Variants in SYT13 observed in about 807,000 individuals in gnomAD.
SYT13 encodes the protein synaptotagmin 13.
SYT13 carries 21 observed loss-of-function variants against 38.6 expected under a neutral mutation model. That is an observed-to-expected ratio of 0.54 (90% CI 0.39 to 0.78). The LOEUF is 0.78. Among genes scored for constraint, SYT13 ranks in the 30% least tolerant of loss-of-function variants. The pLI, the probability that SYT13 is intolerant of heterozygous loss-of-function variation, is 0.00. For missense variants in SYT13, 495 were observed against 548.7 expected, an observed-to-expected ratio of 0.90 and a Z score of 0.98; for synonymous variants, 241 against 237.6, an observed-to-expected ratio of 1.01 and a Z score of -0.13.
chr11:45,254,525 C>A (rs1854719172), intron 2 of SYT13, 121 bp from the exon 3 acceptor site: 1 of 1,398,488 alleles, frequency 7.2e-7, no homozygotes, highest in Non-Finnish European at 9.5e-7. Flanking sequence ...CAGCTGTGTG[C>A]AGAATCACAG....
chr11:45,276,803 G>T (rs2135909605), intron 1 of SYT13, among the ~76,000 whole-genome samples: 1 of 152,206 alleles, frequency 6.6e-6, no homozygotes, highest in South Asian at 2.1e-4. Flanking sequence ...CATTGCTGGT[G>T]GAGATTAAAA....
chr11:45,262,590 G>A (rs765968448), intron 1 of SYT13, among the ~76,000 whole-genome samples: 1 of 151,942 alleles, frequency 6.6e-6, no homozygotes, highest in African/African-American at 2.4e-5. Context: ...TTTGGGTATG[G>A]TAGTGCACGC....
chr11:45,260,773 G>A (rs1442692230), intron 1 of SYT13, among the ~76,000 whole-genome samples: 3 of 152,166 alleles, frequency 2.0e-5, no homozygotes, highest in Non-Finnish European at 1.5e-5. Flanking sequence ...CCCCTCAAAT[G>A]CCTCCTTAGA....
chr11:45,275,857 A>G (rs1855004638), intron 1 of SYT13, among the ~76,000 whole-genome samples: 1 of 152,182 alleles, frequency 6.6e-6, no homozygotes, highest in Non-Finnish European at 1.5e-5. Flanking sequence ...GGGGGAACAG[A>G]ATGGGAAAGA....
At position 45,245,692 on chromosome 11, in the gene SYT13, G is replaced by A. The variant is rs370540489; in HGVS notation, c.976+691C>T. 2.6e-5 allele frequency among the ~76,000 whole-genome samples: 4 copies of A among 152,336 alleles called. No homozygotes were observed. In the East Asian group the frequency reaches 5.8e-4, roughly 22 times the overall value. ...TATAGGAGAGCTTGTTTTGGTCTCC[G>A]AGATGCTGGACCTGGGCTGGGGTAT... On this transcript the variant is annotated intron_variant, in intron 5 of 5. Coordinates refer to ENST00000020926, the MANE Select transcript of SYT13 (RefSeq NM_020826.3).
chr11:45,281,403 C>T (rs976813951), intron 1 of SYT13, among the ~76,000 whole-genome samples: 2 of 152,090 alleles, frequency 1.3e-5, no homozygotes, highest in Non-Finnish European at 2.9e-5. Flanking sequence ...CAGTGGCTCA[C>T]ACCTGTAACC....
At chr11:45,262,231 T>C (rs1052762557) in intron 1 of SYT13, among the ~76,000 whole-genome samples, 1 of 152,162 alleles carries the variant, frequency 6.6e-6, no homozygotes, top group African/African-American at 2.4e-5. Flanking sequence ...AAGACACATA[T>C]TGTATGATTC....
At chr11:45,255,555 A>G in intron 2 of SYT13, 111 bp downstream of exon 2, 1 of 1,064,856 alleles carries the variant, frequency 9.4e-7, no homozygotes, top group South Asian at 1.6e-5. Context: ...GCCAGCGTCA[A>G]ATGCCGGGGC....
intron 1 of SYT13, among the ~76,000 whole-genome samples, chr11:45,273,071 A>C (rs1854969611): frequency 6.6e-6 from 1 of 152,208 alleles, no homozygotes; most frequent in Non-Finnish European, 1.5e-5. Flanking sequence ...AAGAGATGGC[A>C]CATTATAACT....
Position 45,255,666 on chromosome 11 carries a change from C to G in SYT13, c.409G>C (p.Gly137Arg). Reference protein sequence around the residue: ...TEELFILPQNGVVEDVCVMET... With the variant: ...TEELFILPQNRVVEDVCVMET... Reference sequence around the variant, plus strand: ...AGTGCAGGGGGCAGGAGACCCCTACCATTCTGAGGGAGGATGAACAGCTCC... The same window carrying G: ...AGTGCAGGGGGCAGGAGACCCCTACGATTCTGAGGGAGGATGAACAGCTCC... Residue 137 changes from glycine (G) to arginine (R), a missense_variant and splice_region_variant, in exon 2 of 6, where the codon GGT (glycine) becomes CGT (arginine). Transcript: ENST00000020926. 6.2e-7 allele frequency: 1 copy of G among 1,613,756 alleles called. No homozygotes were observed. The highest frequency in any genetic ancestry group is 8.5e-7 in the Non-Finnish European group (1 of 1,179,860).
intron 1 of SYT13, among the ~76,000 whole-genome samples, chr11:45,278,255 T>A (rs775434102): frequency 6.6e-5 from 10 of 152,166 alleles, no homozygotes; most frequent in Non-Finnish European, 1.2e-4. Flanking sequence ...AAATAAGCCC[T>A]GGGAGTACTG....
chr11:45,284,559 T>C (rs905827190), intron 1 of SYT13, among the ~76,000 whole-genome samples: 1 of 152,150 alleles, frequency 6.6e-6, no homozygotes, highest in Admixed American at 6.5e-5. Context: ...TCAGCCGTTC[T>C]GTGGGCTACT....
intron 1 of SYT13, among the ~76,000 whole-genome samples, chr11:45,285,545 G>A (rs962017062): frequency 6.6e-6 from 1 of 152,004 alleles, no homozygotes; most frequent in Non-Finnish European, 1.5e-5. Context: ...TCTCAGCTCT[G>A]GCAGGACTTG....
intron 1 of SYT13, among the ~76,000 whole-genome samples, chr11:45,274,211 T>G (rs1854983278): frequency 6.6e-6 from 1 of 152,348 alleles, no homozygotes; most frequent in South Asian, 2.1e-4. Context: ...TAAAATTAAC[T>G]CCAATGGGTA....
chr11:45,265,055 C>A (rs573318102), intron 1 of SYT13, among the ~76,000 whole-genome samples: 9 of 152,230 alleles, frequency 5.9e-5, no homozygotes, highest in South Asian at 2.1e-4. Flanking sequence ...CTGAGAGCAA[C>A]GTGACTCATC....
chr11:45,247,208 C>T (rs1022801615), intron 4 of SYT13, among the ~76,000 whole-genome samples: 2 of 152,172 alleles, frequency 1.3e-5, no homozygotes, highest in Non-Finnish European at 2.9e-5. Flanking sequence ...TTTGGAATTT[C>T]AACAAATCCG....
intron 1 of SYT13, among the ~76,000 whole-genome samples, chr11:45,283,173 A>C (rs1314082103): frequency 6.6e-6 from 1 of 152,120 alleles, no homozygotes; most frequent in Non-Finnish European, 1.5e-5. Flanking sequence ...TCCTGGGAAA[A>C]CTCCAAATTT....
At position 45,268,318 on chromosome 11, in the gene SYT13, C is replaced by T. The variant is rs894476588; in HGVS notation, c.184-12427G>A. ...GGGTAGACAGCAAGAAGCCAGGGGA[C>T]CCAAAAAGCTATTTCCCTTAGGAAT... On this transcript the variant is annotated intron_variant, in intron 1 of 5. Coordinates refer to ENST00000020926, the MANE Select transcript of SYT13 (RefSeq NM_020826.3). Among the ~76,000 whole-genome samples, 4 of 150,598 alleles carry T rather than the reference C, an allele frequency of 2.7e-5. No homozygotes were observed. In the South Asian group the frequency reaches 6.3e-4, roughly 24 times the overall value.
chr11:45,252,768 A>G lies in SYT13; in HGVS notation c.545-46T>C. ...ACAGGCGTGGGACTTTCTGAGGACA[A>G]GTGGAGGGGGCAGAAGCACGCCTTG... is the stretch of plus-strand genomic sequence containing the variant. On this transcript the variant is annotated intron_variant, in intron 3 of 5. Coordinates refer to ENST00000020926, the MANE Select transcript of SYT13 (RefSeq NM_020826.3). The surrounding 1 kb of genome is among the most constrained non-coding windows in gnomAD (Gnocchi z 4.3). 2 of 1,519,498 alleles carry G rather than the reference A, an allele frequency of 1.3e-6. No homozygotes were observed. The highest frequency in any genetic ancestry group is 1.4e-5 in the African/African-American group (1 of 72,554). 94.1% of individuals were successfully genotyped at this position (1,519,498 alleles called of 1,614,324 possible). A position where few individuals can be genotyped will look rare whatever the true frequency, so the allele number is the denominator to read the frequency against.
Sources: allele counts gnomAD v4.1 joint callset (sites outside exome capture counted in the v4.1 genomes callset), GRCh38; gene constraint gnomAD v4.1.1; non-coding constraint Gnocchi (gnomAD v3.1); transcripts MANE v1.5; gene names NCBI Gene and HGNC (gene_info 2026-07-23, HGNC 2026-07-21).